NBDY: variants seen among roughly 807,000 people sequenced by gnomAD.
NBDY encodes P-body dissociating protein.
In NBDY at chrX:56,819,122, G is replaced by C. The variant is rs1479754248; in HGVS notation, c.*1969G>C. 9.1e-6 allele frequency: 1 copy of C among 109,879 alleles called. No homozygotes were observed. The highest frequency in any genetic ancestry group is 3.3e-5 in the African/African-American group (1 of 30,271). The allele number at this position is 109,879 out of a possible 1,213,427, so 9.1% of individuals were successfully genotyped here. On this transcript the variant is annotated 3_prime_UTR_variant, in exon 3 of 3. Coordinates refer to ENST00000374922, the MANE Select transcript of NBDY (RefSeq NM_001348129.2). ...GGGAGGAAATATAGAATAAATTTTT[G>C]TGACCTTGAATTAAGTATTAGATTT...
chrX:56,787,414 C>A (rs768709904), intron 2 of NBDY, among the ~76,000 whole-genome samples: 17 of 111,209 alleles, frequency 1.5e-4, no homozygotes, highest in Admixed American at 1.2e-3. Flanking sequence ...CTGAAGCTAC[C>A]CACAATCTCT....
intron 2 of NBDY, among the ~76,000 whole-genome samples, chrX:56,742,297 A>C (rs2069535444): frequency 9.0e-6 from 1 of 111,475 alleles, no homozygotes; most frequent in Admixed American, 9.5e-5. Flanking sequence ...TGCTTAGGAT[A>C]GCTTTGGTTA....
At chrX:56,738,446 A>G (rs189643032) in intron 2 of NBDY, among the ~76,000 whole-genome samples, 398 of 111,967 alleles carry the variant, frequency 3.6e-3, no homozygotes, top group African/African-American at 0.012. Flanking sequence ...CTCCCTACAG[A>G]AAGTATCAGA....
chrX:56,782,960 GAC>G (rs1047726991), intron 2 of NBDY, among the ~76,000 whole-genome samples: 1 of 111,916 alleles, frequency 8.9e-6, no homozygotes, highest in Non-Finnish European at 1.9e-5. Context: ...CGCCTAAGCG[GAC>G]ACACACACAG....
rs779684805 is a variant in NBDY, at chrX:56,782,448, C to T, written c.*167-34872C>T. ...TTCTAGGAGACTGCTTCTTCTTTTG[C>T]TCCTTGGTGATTCAGCATGTCTCTC... is the stretch of plus-strand genomic sequence containing the variant. On this transcript the variant is annotated intron_variant, in intron 2 of 2. Transcript: ENST00000374922. 2.7e-5 allele frequency among the ~76,000 whole-genome samples: 3 copies of T among 111,433 alleles called. No individual in the cohort carries two copies. In the South Asian group the frequency reaches 1.1e-3, roughly 42 times the overall value.
At chrX:56,785,344 A>G (rs768621024) in intron 2 of NBDY, among the ~76,000 whole-genome samples, 1 of 111,325 alleles carries the variant, frequency 9.0e-6, no homozygotes, top group African/African-American at 3.3e-5. Context: ...TCTGAGTGTC[A>G]GAGGACCTCG....
intron 2 of NBDY, among the ~76,000 whole-genome samples, chrX:56,809,124 C>CTGT (rs1163822424): frequency 1.8e-5 from 2 of 111,712 alleles, no homozygotes; most frequent in African/African-American, 6.5e-5. Flanking sequence ...GTCTTAGAGA[C>CTGT]TGTTATAATT....
chrX:56,809,578 C>T (rs1216163503), intron 2 of NBDY, among the ~76,000 whole-genome samples: 3 of 111,360 alleles, frequency 2.7e-5, no homozygotes, highest in African/African-American at 6.5e-5. Flanking sequence ...GGATTGCAAC[C>T]CCTGCTTTTT....
chrX:56,740,783 G>A (rs1455020875), intron 2 of NBDY, among the ~76,000 whole-genome samples: 1 of 110,819 alleles, frequency 9.0e-6, no homozygotes, highest in Non-Finnish European at 1.9e-5. Flanking sequence ...GGGTATATGA[G>A]ATGTTTTGAT....
At chrX:56,756,825 G>A (rs890646281) in intron 2 of NBDY, among the ~76,000 whole-genome samples, 3 of 110,661 alleles carry the variant, frequency 2.7e-5, no homozygotes, top group African/African-American at 9.9e-5. Flanking sequence ...ACTTGGTGGT[G>A]CATGCCTATA....
At chrX:56,730,094 T>TG (rs1386758819) in intron 1 of NBDY, among the ~76,000 whole-genome samples, 2 of 106,618 alleles carry the variant, frequency 1.9e-5, no homozygotes, top group Admixed American at 2.0e-4. Flanking sequence ...GAGAGTTGAA[T>TG]TTTTTTTTTT....
intron 2 of NBDY, among the ~76,000 whole-genome samples, chrX:56,764,962 C>CCAGCT (rs1395410094): frequency 8.9e-6 from 1 of 112,547 alleles, no homozygotes; most frequent in African/African-American, 3.2e-5. Flanking sequence ...CATAGTGCTG[C>CCAGCT]CAGCTGTCCA....
chrX:56,766,601 G>C (rs1029261310), intron 2 of NBDY, among the ~76,000 whole-genome samples: 1 of 112,007 alleles, frequency 8.9e-6, no homozygotes, highest in Non-Finnish European at 1.9e-5. Flanking sequence ...ACAGGGGTTC[G>C]AAATATGCAA....
At chrX:56,737,208 A>G in intron 2 of NBDY, 3 of 805,998 alleles carry the variant, frequency 3.7e-6, no homozygotes, top group Non-Finnish European at 5.7e-6. Flanking sequence ...AACCATCTTC[A>G]TAACAGCTGC....
intron 2 of NBDY, among the ~76,000 whole-genome samples, chrX:56,784,251 G>A (rs1442815510): frequency 8.9e-6 from 1 of 112,243 alleles, no homozygotes; most frequent in East Asian, 2.8e-4. Flanking sequence ...ACCAAATCTT[G>A]TATGGAATGC....
At chrX:56,754,782 GA>G (rs1233050092) in intron 2 of NBDY, among the ~76,000 whole-genome samples, 1 of 108,756 alleles carries the variant, frequency 9.2e-6, no homozygotes, top group Non-Finnish European at 1.9e-5. Flanking sequence ...AGAGGAACAA[GA>G]AAAATAATAG....
intron 2 of NBDY, among the ~76,000 whole-genome samples, chrX:56,806,780 T>A (rs1358012608): frequency 1.8e-5 from 2 of 112,230 alleles, no homozygotes; most frequent in African/African-American, 3.2e-5. Flanking sequence ...TTCACTCTGA[T>A]GATAGTTTCT....
At chrX:56,752,113 A>C (rs935761645) in intron 2 of NBDY, among the ~76,000 whole-genome samples, 7 of 112,142 alleles carry the variant, frequency 6.2e-5, no homozygotes, top group African/African-American at 2.3e-4. Flanking sequence ...ACTAATGGGC[A>C]CCTAGGTTGA....
chrX:56,767,549 G>C (rs1277614658), intron 2 of NBDY, among the ~76,000 whole-genome samples: 1 of 113,158 alleles, frequency 8.8e-6, no homozygotes, highest in Non-Finnish European at 1.9e-5. Flanking sequence ...ACCGGGAGTT[G>C]CCGGTCGGCA....
Sources: gnomAD v4.1 joint callset for allele counts (sites outside exome capture counted in the v4.1 genomes callset) on GRCh38, gnomAD v4.1.1 for gene constraint, MANE v1.5 for transcripts, NCBI Gene and HGNC (gene_info 2026-07-23, HGNC 2026-07-21) for gene names.